Variants in MGAT4A observed in about 807,000 individuals in gnomAD.
The protein encoded by MGAT4A is N-acetylglucosaminyltransferase IVa.
MGAT4A carries 33 observed loss-of-function variants against 74.1 expected under a neutral mutation model. The observed-to-expected ratio is 0.45, with a 90% confidence interval of 0.34 to 0.60. MGAT4A has a LOEUF of 0.60. Among genes scored for constraint, MGAT4A ranks in the 20% least tolerant of loss-of-function variants. The pLI is 0.02. For missense variants in MGAT4A, 479 were observed against 628.3 expected (o/e 0.76, Z 2.54); for synonymous variants, 198 against 210.4 (o/e 0.94, Z 0.51).
At chr2:98,661,376 A>T (rs1701747887) in intron 5 of MGAT4A, among the ~76,000 whole-genome samples, 1 of 152,224 alleles carries the variant, frequency 6.6e-6, no homozygotes, top group Non-Finnish European at 1.5e-5. Flanking sequence ...TAGGTTGGTA[A>T]ATAAAGAAGA....
intron 3 of MGAT4A, among the ~76,000 whole-genome samples, chr2:98,675,467 T>C (rs954092838): frequency 6.6e-6 from 1 of 152,194 alleles, no homozygotes. Context: ...GAACTCAAGT[T>C]TGCCAAACAG....
At chr2:98,663,541 T>A in intron 4 of MGAT4A, 1 of 1,149,638 alleles carries the variant, frequency 8.7e-7, no homozygotes, top group Non-Finnish European at 1.2e-6. Flanking sequence ...GCATGTGACA[T>A]GCCGAGAAGA....
At chr2:98,720,869 A>G (rs1010822018) in intron 2 of MGAT4A, among the ~76,000 whole-genome samples, 2 of 152,238 alleles carry the variant, frequency 1.3e-5, no homozygotes, top group Non-Finnish European at 1.5e-5. Flanking sequence ...GAGAGAAAGG[A>G]GAAGAAAATA....
rs749938635 is a variant in MGAT4A, at chr2:98,656,369, G to A, written c.681C>T (p.Asp227=). The change falls in exon 7 of 16, where the codon GAC becomes GAT. Residue 227 remains aspartate, a synonymous_variant. Coordinates refer to ENST00000393487, the MANE Select transcript of MGAT4A (RefSeq NM_012214.3). ...DLTNLKETFG[D]SKERVRWRTK... is the part of the protein sequence containing the mutation. Reference sequence around the variant, plus strand: ...ATGCTCACCTTACTCTTTCTTTGGAGTCTCCAAATGTCTCCTTTAGGTTTG... The same window carrying A: ...ATGCTCACCTTACTCTTTCTTTGGAATCTCCAAATGTCTCCTTTAGGTTTG... The A allele has an allele frequency of 6.4e-5, 103 of 1,599,974 alleles. No individual in the cohort carries two copies. Among genetic ancestry groups the A allele is most frequent in the Non-Finnish European group, 8.6e-7 (1 of 1,168,820 alleles).
Position 98,625,452 on chromosome 2 carries a change from T to C in MGAT4A, c.*114A>G, listed in dbSNP as rs1701129935. ...CCAAGTGGAAATGACAATCGTCTTA[T>C]CTACAGTAGACTTCACAAGAGGTAG... is the stretch of plus-strand genomic sequence containing the variant. On this transcript the variant is annotated 3_prime_UTR_variant, in exon 16 of 16. Coordinates refer to ENST00000393487, the MANE Select transcript of MGAT4A (RefSeq NM_012214.3). 4 of 1,518,550 alleles carry C rather than the reference T, an allele frequency of 2.6e-6. No individual in the cohort carries two copies. In the South Asian group the frequency reaches 5.3e-5, roughly 20 times the overall value. 94.1% of individuals were successfully genotyped at this position (1,518,550 alleles called of 1,614,324 possible).
At chr2:98,680,825 C>T (rs1005213567) in intron 2 of MGAT4A, among the ~76,000 whole-genome samples, 1 of 152,124 alleles carries the variant, frequency 6.6e-6, no homozygotes, top group Non-Finnish European at 1.5e-5. Context: ...AGAAGAGACA[C>T]ATAAGTTTTA....
At chr2:98,661,828 T>C (rs2104269630) in intron 5 of MGAT4A, among the ~76,000 whole-genome samples, 1 of 152,358 alleles carries the variant, frequency 6.6e-6, no homozygotes, top group Middle Eastern at 3.4e-3. Context: ...GCTTTCTAAG[T>C]AGTCTCCTTT....
intron 2 of MGAT4A, among the ~76,000 whole-genome samples, chr2:98,711,430 G>A (rs1702517711): frequency 6.6e-6 from 1 of 152,010 alleles, no homozygotes; most frequent in Non-Finnish European, 1.5e-5. Flanking sequence ...CCAGCTTGAT[G>A]AGATTTCTAA....
At chr2:98,655,880 C>T (rs923668342) in intron 7 of MGAT4A, 7 of 183,260 alleles carry the variant, frequency 3.8e-5, no homozygotes, top group African/African-American at 1.7e-4. Context: ...ATTCTTAATA[C>T]ATATTTTTCC....
chr2:98,630,809 G>T (rs1701220448), intron 14 of MGAT4A, among the ~76,000 whole-genome samples: 1 of 152,192 alleles, frequency 6.6e-6, no homozygotes, highest in East Asian at 1.9e-4. Context: ...GAAGAAAAGG[G>T]AAGAAGACTT....
intron 9 of MGAT4A, among the ~76,000 whole-genome samples, 194 bp from the exon 10 acceptor site, chr2:98,644,247 C>T (rs1701453740): frequency 6.6e-6 from 1 of 152,148 alleles, no homozygotes; most frequent in African/African-American, 2.4e-5. Context: ...GAGCTGTCAC[C>T]TGGGTGTAAA....
intron 2 of MGAT4A, among the ~76,000 whole-genome samples, chr2:98,713,633 A>T (rs1229263865): frequency 6.6e-6 from 1 of 152,188 alleles, no homozygotes; most frequent in African/African-American, 2.4e-5. Context: ...AGCATAAATC[A>T]GAAAATAGTG....
intron 4 of MGAT4A, among the ~76,000 whole-genome samples, chr2:98,674,109 T>C (rs1188219935): frequency 6.6e-6 from 1 of 152,212 alleles, no homozygotes; most frequent in Non-Finnish European, 1.5e-5. Context: ...TAAGACAAGA[T>C]GAATGTAAAA....
chr2:98,641,876 CCAG>C (rs1407010583), intron 10 of MGAT4A, among the ~76,000 whole-genome samples: 1 of 151,492 alleles, frequency 6.6e-6, no homozygotes, highest in Admixed American at 6.6e-5. Context: ...GCCTGTAGTC[CCAG>C]CTACTCAGGA....
intron 6 of MGAT4A, among the ~76,000 whole-genome samples, chr2:98,657,660 G>A (rs79343414): frequency 4.1e-4 from 63 of 152,204 alleles, no homozygotes; most frequent in Non-Finnish European, 8.2e-4. Context: ...ACAATTTAAT[G>A]AAGAAATTCA....
chr2:98,622,141 C>A lies in MGAT4A; in HGVS notation c.*3425G>T, dbSNP rs1701070783. On this transcript the variant is annotated 3_prime_UTR_variant, in exon 16 of 16. Coordinates refer to ENST00000393487, the MANE Select transcript of MGAT4A (RefSeq NM_012214.3). ...TGGGTCCTCAGCTTTCTCTTCTCAC[C>A]CAAAATATTCATCATCATTTGCATT... 4.2e-5 allele frequency: 41 copies of A among 985,366 alleles called. No homozygotes were observed. The highest frequency in any genetic ancestry group is 4.9e-5 in the Non-Finnish European group (41 of 829,930). The allele number at this position is 985,366 out of a possible 1,614,324, so 61.0% of individuals were successfully genotyped here.
intron 2 of MGAT4A, among the ~76,000 whole-genome samples, chr2:98,722,676 A>G (rs1002780948): frequency 6.6e-6 from 1 of 152,236 alleles, no homozygotes; most frequent in Admixed American, 6.5e-5. Flanking sequence ...TACACTTTAA[A>G]TGGATGAATT....
At chr2:98,668,960 G>A (rs998349070) in intron 4 of MGAT4A, among the ~76,000 whole-genome samples, 24 of 152,300 alleles carry the variant, frequency 1.6e-4, no homozygotes, top group African/African-American at 1.4e-4. Flanking sequence ...CCCAATGCCC[G>A]TACCCCCATT....
At chr2:98,677,644 G>A (rs1259730335) in intron 3 of MGAT4A, among the ~76,000 whole-genome samples, 3 of 151,868 alleles carry the variant, frequency 2.0e-5, no homozygotes, top group Non-Finnish European at 4.4e-5. Context: ...GTAGGGATGA[G>A]GTTTCACCAT....
Sources: gnomAD v4.1 joint callset for allele counts (sites outside exome capture counted in the v4.1 genomes callset) on GRCh38, gnomAD v4.1.1 for gene constraint, MANE v1.5 for transcripts, NCBI Gene and HGNC (gene_info 2026-07-23, HGNC 2026-07-21) for gene names.